PARD3B: variants seen among roughly 807,000 people sequenced by gnomAD.
PARD3B encodes partitioning defective 3 homolog B.
A neutral mutation model predicts 130.2 loss-of-function variants in PARD3B; 103 were observed. That is an observed-to-expected ratio of 0.79 (90% CI 0.67 to 0.93). The LOEUF (loss-of-function observed/expected upper bound fraction) is 0.93, where lower values mean the gene tolerates loss of function less well. Among genes scored for constraint, PARD3B ranks in the 40% least tolerant of loss-of-function variants. PARD3B has a pLI of 0.00. For synonymous variants in PARD3B, 583 were observed against 553.2 expected (o/e 1.05, Z -0.76); for missense variants, 1,609 against 1,499.2 (o/e 1.07, Z -1.21).
intron 2 of PARD3B, among the ~76,000 whole-genome samples, chr2:204,902,485 C>G (rs569242858): frequency 6.6e-6 from 1 of 151,920 alleles, no homozygotes; most frequent in Non-Finnish European, 1.5e-5. Context: ...CTGGCTAACA[C>G]GGTGAGACCC....
intron 2 of PARD3B, among the ~76,000 whole-genome samples, chr2:204,713,276 A>T (rs1202433763): frequency 6.6e-6 from 1 of 151,958 alleles, no homozygotes; most frequent in African/African-American, 2.4e-5. Context: ...AGATGATGCC[A>T]ACTTGTTTTC....
rs2125631477 is a variant in PARD3B, at chr2:205,125,457, T to C, written c.1306-152T>C. On this transcript the variant is annotated intron_variant, in intron 9 of 22. Transcript: ENST00000406610. The surrounding 1 kb of genome is among the most constrained non-coding windows in gnomAD (Gnocchi z 4.0). ...TCATGATGATGCATTATGGGAAATATTGTTGGGTTTTGCCCATGTATTTAG... is the reference window on the plus strand; with the variant it reads ...TCATGATGATGCATTATGGGAAATACTGTTGGGTTTTGCCCATGTATTTAG... 4 of 758,000 alleles carry C rather than the reference T, an allele frequency of 5.3e-6. No homozygotes were observed. The South Asian group carries it at 8.0e-5, about 15-fold the overall frequency. The allele number at this position is 758,000 out of a possible 1,614,324, so 47.0% of individuals were successfully genotyped here. A position where few individuals can be genotyped will look rare whatever the true frequency, so the allele number is the denominator to read the frequency against.
At chr2:204,652,604 G>C (rs892647103) in intron 1 of PARD3B, among the ~76,000 whole-genome samples, 1 of 152,142 alleles carries the variant, frequency 6.6e-6, no homozygotes, top group Non-Finnish European at 1.5e-5. Context: ...TCCAACCTCT[G>C]CCTGTTACCA....
At chr2:205,238,849 A>AAAAAT (rs1273582854) in intron 15 of PARD3B, among the ~76,000 whole-genome samples, 14 of 76,902 alleles carry the variant, frequency 1.8e-4, no homozygotes, top group East Asian at 1.1e-3. Context: ...AAAAAAAAAA[A>AAAAAT]ATATATATAT....
At position 205,253,388 on chromosome 2, in the gene PARD3B, C is replaced by A. The variant is rs1251267758; in HGVS notation, c.2185+7566C>A. 1.8e-6 allele frequency: 1 copy of A among 567,718 alleles called. No individual in the cohort carries two copies. Among genetic ancestry groups the A allele is most frequent in the Non-Finnish European group, 3.5e-6 (1 of 282,122 alleles). 35.2% of individuals were successfully genotyped at this position (567,718 alleles called of 1,614,324 possible). On this transcript the variant is annotated intron_variant, in intron 16 of 22. Transcript: ENST00000406610. This position sits in a 1 kb window ranked among gnomAD's most constrained non-coding sequence, Gnocchi z 4.4. ...GACTGTGGGTCAGTGCTGACACACC[C>A]ATGGCCATACGTTTGGTCTTCTTGG...
rs540076428 is a variant in PARD3B, at chr2:204,980,537, C to A, written c.394+15214C>A. On this transcript the variant is annotated intron_variant, in intron 3 of 22. Transcript: ENST00000406610. ...GTGAATCCACAGTAGAGAAACCTGG[C>A]AAGCACTGTTTGAACCAAGTGATCA... 2.0e-5 allele frequency among the ~76,000 whole-genome samples: 3 copies of A among 152,278 alleles called. No individual in the cohort carries two copies. In the East Asian group the frequency reaches 5.8e-4, roughly 29 times the overall value.
intron 10 of PARD3B, among the ~76,000 whole-genome samples, chr2:205,153,557 T>C (rs1192281018): frequency 6.6e-6 from 1 of 152,178 alleles, no homozygotes; most frequent in East Asian, 1.9e-4. Flanking sequence ...TTAAAGTTCA[T>C]ATGGAACCAA....
chr2:205,065,381 A>T (rs1352056516), intron 4 of PARD3B, among the ~76,000 whole-genome samples: 1 of 152,214 alleles, frequency 6.6e-6, no homozygotes, highest in Non-Finnish European at 1.5e-5. Flanking sequence ...AACACACACA[A>T]AAAAAGCTTT....
chr2:204,984,729 G>A (rs929285995), intron 3 of PARD3B, among the ~76,000 whole-genome samples: 1 of 152,052 alleles, frequency 6.6e-6, no homozygotes, highest in Non-Finnish European at 1.5e-5. Flanking sequence ...TGCATTGCAT[G>A]TGTGAGACTG....
chr2:205,206,557 T>C (rs2037324215), intron 15 of PARD3B, among the ~76,000 whole-genome samples: 1 of 151,506 alleles, frequency 6.6e-6, no homozygotes, highest in South Asian at 2.1e-4. Context: ...CATCATTTTT[T>C]ATGGCTGCAT....
chr2:204,853,664 G>A (rs1025418231), intron 2 of PARD3B, among the ~76,000 whole-genome samples: 3 of 151,806 alleles, frequency 2.0e-5, no homozygotes, highest in African/African-American at 7.3e-5. Flanking sequence ...AAAAGAAACA[G>A]AGGATATGTT....
chr2:205,039,562 C>T (rs1470462045), intron 3 of PARD3B, among the ~76,000 whole-genome samples: 4 of 151,256 alleles, frequency 2.6e-5, no homozygotes, highest in African/African-American at 4.9e-5. Flanking sequence ...CTCTGCCTCC[C>T]GGATTCAGGT....
At chr2:205,017,329 C>A (rs1400416755) in intron 3 of PARD3B, among the ~76,000 whole-genome samples, 1 of 152,116 alleles carries the variant, frequency 6.6e-6, no homozygotes, top group Non-Finnish European at 1.5e-5. Context: ...ATTCAGTGAG[C>A]AAAAATTTAT....
chr2:205,577,109 C>T (rs576096252), intron 22 of PARD3B, among the ~76,000 whole-genome samples: 19 of 152,234 alleles, frequency 1.2e-4, no homozygotes, highest in Non-Finnish European at 2.2e-4. Flanking sequence ...CCAGTGTATA[C>T]GAAAATGATT....
chr2:204,564,233 AC>A (rs2031534917), intron 1 of PARD3B, among the ~76,000 whole-genome samples: 1 of 152,202 alleles, frequency 6.6e-6, no homozygotes, highest in African/African-American at 2.4e-5. Context: ...TCGGGGCTTC[AC>A]ATGCATACAT....
chr2:205,402,882 A>T (rs775031793), intron 19 of PARD3B, among the ~76,000 whole-genome samples: 2 of 152,170 alleles, frequency 1.3e-5, no homozygotes, highest in African/African-American at 2.4e-5. Context: ...GAAGTTGAGG[A>T]GTTGATTTTA....
At chr2:205,474,557 C>T (rs1196068429) in intron 20 of PARD3B, among the ~76,000 whole-genome samples, 3 of 152,112 alleles carry the variant, frequency 2.0e-5, no homozygotes, top group Admixed American at 2.0e-4. Context: ...TAACCTTTCC[C>T]TTAATGATGG....
At chr2:205,330,832 G>T (rs1198560705) in intron 18 of PARD3B, among the ~76,000 whole-genome samples, 1 of 152,172 alleles carries the variant, frequency 6.6e-6, no homozygotes, top group Non-Finnish European at 1.5e-5. Context: ...GAGGAAGGAG[G>T]TAGGGAAGAG....
At chr2:204,808,611 G>T (rs1271874575) in intron 2 of PARD3B, among the ~76,000 whole-genome samples, 4 of 152,074 alleles carry the variant, frequency 2.6e-5, no homozygotes, top group South Asian at 2.1e-4. Flanking sequence ...GCTTAAGTTT[G>T]CTAAGGATGA....
Sources: gnomAD v4.1 joint callset for allele counts (sites outside exome capture counted in the v4.1 genomes callset) on GRCh38, gnomAD v4.1.1 for gene constraint, Gnocchi (gnomAD v3.1) non-coding constraint, MANE v1.5 for transcripts, NCBI Gene and HGNC (gene_info 2026-07-23, HGNC 2026-07-21) for gene names.